PLXDC2: variants seen among roughly 807,000 people sequenced by gnomAD.
The protein encoded by PLXDC2 is plexin domain containing 2.
PLXDC2 carries 40 observed loss-of-function variants against 68.9 expected under a neutral mutation model. That is an observed-to-expected ratio of 0.58 (90% confidence interval 0.45 to 0.76). The LOEUF (loss-of-function observed/expected upper bound fraction) is 0.76. Among genes scored for constraint, PLXDC2 ranks in the 30% least tolerant of loss-of-function variants. The probability of loss-of-function intolerance (pLI) is 0.00; values close to 1 mark genes in which losing one functional copy is unlikely to be tolerated. For missense variants in PLXDC2, 644 were observed against 661.9 expected (o/e 0.97, Z 0.30); for synonymous variants, 243 against 234.2 (o/e 1.04, Z -0.34).
intron 6 of PLXDC2, among the ~76,000 whole-genome samples, chr10:20,149,897 G>C (rs1490817787): frequency 6.6e-6 from 1 of 152,084 alleles, no homozygotes; most frequent in African/African-American, 2.4e-5. Flanking sequence ...GTATGTGTCT[G>C]TGTGGCAGAA....
At chr10:19,838,653 A>G (rs1442414628) in intron 1 of PLXDC2, among the ~76,000 whole-genome samples, 1 of 152,228 alleles carries the variant, frequency 6.6e-6, no homozygotes, top group Non-Finnish European at 1.5e-5. Flanking sequence ...AGTGTACACA[A>G]CCGCAGCCTG....
intron 1 of PLXDC2, among the ~76,000 whole-genome samples, chr10:19,901,704 G>GT (rs967857193): frequency 2.0e-5 from 3 of 151,950 alleles, no homozygotes; most frequent in African/African-American, 7.2e-5. Context: ...TATTTATTTT[G>GT]TTTTTGTTGC....
chr10:20,190,251 G>T (rs974662961), intron 9 of PLXDC2, among the ~76,000 whole-genome samples: 4 of 151,846 alleles, frequency 2.6e-5, no homozygotes, highest in Non-Finnish European at 4.4e-5. Flanking sequence ...GTATCTAAAT[G>T]GAGCATTTTA....
intron 4 of PLXDC2, among the ~76,000 whole-genome samples, chr10:20,097,201 C>T (rs1833360858): frequency 6.6e-6 from 1 of 152,008 alleles, no homozygotes; most frequent in African/African-American, 2.4e-5. Flanking sequence ...CTTATTTCAC[C>T]AAGAAATAGG....
At chr10:19,870,850 T>C (rs572711974) in intron 1 of PLXDC2, among the ~76,000 whole-genome samples, 1 of 152,250 alleles carries the variant, frequency 6.6e-6, no homozygotes, top group Non-Finnish European at 1.5e-5. Flanking sequence ...TACTGCTTGC[T>C]GTGCACTGGA....
At chr10:19,835,633 T>G in intron 1 of PLXDC2, among the ~76,000 whole-genome samples, 1 of 151,962 alleles carries the variant, frequency 6.6e-6, no homozygotes, top group East Asian at 1.9e-4. Flanking sequence ...AGGGTCAAGG[T>G]CAGAGTCCTA....
intron 13 of PLXDC2, among the ~76,000 whole-genome samples, chr10:20,260,077 AT>A (rs1426206556): frequency 1.3e-5 from 2 of 152,184 alleles, no homozygotes; most frequent in Non-Finnish European, 2.9e-5. Flanking sequence ...TATAAATTGT[AT>A]ATATTTAAGG....
rs572638005 is a variant in PLXDC2, at chr10:19,876,992, A to T, written c.112+59801A>T. Among the ~76,000 whole-genome samples the T allele has an allele frequency of 5.1e-4, 78 of 152,354 alleles. 1 individual carries two copies. Among genetic ancestry groups the T allele is most frequent in the Middle Eastern group, 3.4e-3 (1 of 294 alleles). On this transcript the variant is annotated intron_variant, in intron 1 of 13. Transcript: ENST00000377252. ...AGATTGCCCACATTGAAAGAAGGTT[A>T]GAAAATATGTGATTCTATCTAAAAT...
chr10:20,257,816 T>G (rs1835760810), intron 13 of PLXDC2, among the ~76,000 whole-genome samples: 1 of 152,056 alleles, frequency 6.6e-6, no homozygotes, highest in East Asian at 1.9e-4. Context: ...TTAATTTTTT[T>G]AATTTTTAAT....
chr10:19,850,778 T>TTGAG (rs1278803326), intron 1 of PLXDC2, among the ~76,000 whole-genome samples: 1 of 152,182 alleles, frequency 6.6e-6, no homozygotes, highest in African/African-American at 2.4e-5. Context: ...AAATCAGGGC[T>TTGAG]TACTCAGTGT....
intron 4 of PLXDC2, among the ~76,000 whole-genome samples, chr10:20,091,170 C>G (rs1006549287): frequency 6.6e-6 from 1 of 152,136 alleles, no homozygotes; most frequent in African/African-American, 2.4e-5. Flanking sequence ...TGCTGAGGCC[C>G]TACATGGGCA....
intron 1 of PLXDC2, among the ~76,000 whole-genome samples, chr10:19,954,890 C>G (rs532147228): frequency 3.9e-5 from 6 of 152,254 alleles, no homozygotes; most frequent in Admixed American, 6.5e-5. Context: ...TCTTGCCCCC[C>G]CATCCCTGTC....
In PLXDC2 at chr10:20,281,421, C is replaced by T. The variant is rs1196074584; in HGVS notation, c.*1602C>T. The stretch of plus-strand genomic sequence containing the variant: ...GGCTTTTGTAAGGTACAGTGCTCAA[C>T]ATTTGCAGATTCAGGTCTCAAGAAG... On this transcript the variant is annotated 3_prime_UTR_variant, in exon 14 of 14. Coordinates refer to ENST00000377252, the MANE Select transcript of PLXDC2 (RefSeq NM_032812.9). The T allele has an allele frequency of 1.3e-5, 2 of 152,108 alleles. No homozygotes were observed. Among genetic ancestry groups the T allele is most frequent in the African/African-American group, 4.8e-5 (2 of 41,434 alleles). 9.4% of individuals were successfully genotyped at this position (152,108 alleles called of 1,614,324 possible).
intron 1 of PLXDC2, among the ~76,000 whole-genome samples, chr10:19,844,211 G>C (rs958151871): frequency 1.3e-5 from 2 of 152,204 alleles, no homozygotes; most frequent in African/African-American, 2.4e-5. Flanking sequence ...AAGAGCGAAA[G>C]TATGATTTGT....
intron 3 of PLXDC2, among the ~76,000 whole-genome samples, chr10:20,048,269 A>G (rs185657450): frequency 2.5e-4 from 38 of 152,222 alleles, no homozygotes; most frequent in South Asian, 1.5e-3. Flanking sequence ...AATTAAGAAT[A>G]GTATACCATG....
chr10:20,037,806 G>C (rs1190649581), intron 2 of PLXDC2, among the ~76,000 whole-genome samples: 1 of 152,150 alleles, frequency 6.6e-6, no homozygotes, highest in Non-Finnish European at 1.5e-5. Flanking sequence ...ATCTATGAGA[G>C]AGATGGTTAC....
intron 1 of PLXDC2, among the ~76,000 whole-genome samples, chr10:19,976,022 A>C (rs920026120): frequency 6.6e-6 from 1 of 152,166 alleles, no homozygotes; most frequent in African/African-American, 2.4e-5. Context: ...ATAAAAAAGA[A>C]TACGTTGGAG....
In PLXDC2 at chr10:20,194,885, T is replaced by C. The variant is rs1834817267; in HGVS notation, c.1062-16784T>C. Reference sequence around the variant, plus strand: ...TTTGTGAGCTTTGCTCAATTACTATTATGTGGCATTATACTCCCTTGCATT... The same window carrying C: ...TTTGTGAGCTTTGCTCAATTACTATCATGTGGCATTATACTCCCTTGCATT... On this transcript the variant is annotated intron_variant, in intron 9 of 13. Coordinates refer to ENST00000377252, the MANE Select transcript of PLXDC2 (RefSeq NM_032812.9). Among the ~76,000 whole-genome samples the C allele has an allele frequency of 2.0e-5, 3 of 149,780 alleles. No individual in the cohort carries two copies. In the South Asian group the frequency reaches 6.4e-4, roughly 32 times the overall value.
intron 4 of PLXDC2, among the ~76,000 whole-genome samples, chr10:20,080,567 G>T (rs1836535457): frequency 6.6e-6 from 1 of 152,124 alleles, no homozygotes; most frequent in African/African-American, 2.4e-5. Flanking sequence ...AAAGATGAAG[G>T]CCAGAAGAGT....
Sources: allele counts gnomAD v4.1 joint callset (sites outside exome capture counted in the v4.1 genomes callset), GRCh38; gene constraint gnomAD v4.1.1; transcripts MANE v1.5; gene names NCBI Gene and HGNC (gene_info 2026-07-23, HGNC 2026-07-21).